The following TACR3 variants were observed in gnomAD, a reference collection of about 807,000 sequenced individuals.
The protein encoded by TACR3 is neuromedin-K receptor.
In TACR3, 34 loss-of-function variants were observed where a neutral mutation model predicts 35.0. The observed-to-expected ratio is 0.97, with a 90% CI of 0.74 to 1.30. The LOEUF is 1.30. Among genes scored for constraint, TACR3 ranks in the 50% most tolerant of loss-of-function variants. TACR3 has a pLI of 0.00. For missense variants in TACR3, 558 were observed against 591.7 expected, an observed-to-expected ratio of 0.94 and a Z score of 0.59; for synonymous variants, 233 against 221.1, an observed-to-expected ratio of 1.05 and a Z score of -0.48.
At chr4:103,620,155 C>G (rs570905777) in intron 3 of TACR3, among the ~76,000 whole-genome samples, 15 of 152,150 alleles carry the variant, frequency 9.9e-5, no homozygotes, top group Non-Finnish European at 1.9e-4. Flanking sequence ...TGCTCAGCAT[C>G]ACTAGTTGTC....
chr4:103,657,849 A>T (rs1016519492), intron 2 of TACR3, among the ~76,000 whole-genome samples: 1 of 152,142 alleles, frequency 6.6e-6, no homozygotes, highest in East Asian at 1.9e-4. Context: ...CCCTTCAGCT[A>T]CACTTCCTAA....
intron 1 of TACR3, among the ~76,000 whole-genome samples, chr4:103,709,055 G>A (rs954627713): frequency 2.0e-5 from 3 of 152,182 alleles, no homozygotes; most frequent in Non-Finnish European, 2.9e-5. Context: ...GTGACGGGGA[G>A]AATGGAACCA....
At chr4:103,683,470 CAAAAAAAAAAA>C (rs57761679) in intron 1 of TACR3, among the ~76,000 whole-genome samples, 7 of 21,144 alleles carry the variant, frequency 3.3e-4, no homozygotes, top group East Asian at 1.8e-3. Flanking sequence ...AAAGACTGAC[CAAAAAAAAAAA>C]AAAAAAAAAA....
intron 1 of TACR3, among the ~76,000 whole-genome samples, chr4:103,668,121 A>T (rs1560524531): frequency 2.6e-5 from 4 of 152,122 alleles, no homozygotes; most frequent in Admixed American, 2.6e-4. Context: ...CCTGGCCAGA[A>T]GATTATTTTT....
chr4:103,690,829 A>G (rs1722387003), intron 1 of TACR3, among the ~76,000 whole-genome samples: 1 of 152,036 alleles, frequency 6.6e-6, no homozygotes, highest in Admixed American at 6.6e-5. Context: ...TTGATTAACT[A>G]TATTTAACCA....
intron 3 of TACR3, among the ~76,000 whole-genome samples, chr4:103,642,325 AATTATT>A (rs1227143136): frequency 6.7e-6 from 1 of 149,800 alleles, no homozygotes; most frequent in Non-Finnish European, 1.5e-5. Context: ...AAGAGAATAC[AATTATT>A]ATTTGTCAAT....
intron 3 of TACR3, among the ~76,000 whole-genome samples, chr4:103,647,712 C>T (rs1356797673): frequency 6.6e-6 from 1 of 151,802 alleles, no homozygotes; most frequent in Non-Finnish European, 1.5e-5. Context: ...TTAAGAGGTT[C>T]AACACTCTAA....
At chr4:103,593,667 C>T (rs140381917) in intron 3 of TACR3, among the ~76,000 whole-genome samples, 184 of 152,240 alleles carry the variant, frequency 1.2e-3, no homozygotes, top group African/African-American at 4.1e-3. Flanking sequence ...CCTCCCTCTA[C>T]CTAGAACACT....
At position 103,677,293 on chromosome 4, in the gene TACR3, C is replaced by T. The variant is rs114970192; in HGVS notation, c.549-18890G>A. ...AAATTATTTCAATCATTGTGGAAGA[C>T]GGTGTGGTGATTCCTCAAAGATGTA... On this transcript the variant is annotated intron_variant, in intron 1 of 4. Coordinates refer to ENST00000304883, the MANE Select transcript of TACR3 (RefSeq NM_001059.3). 2.3e-4 allele frequency among the ~76,000 whole-genome samples: 35 copies of T among 149,038 alleles called. No homozygotes were observed. In the East Asian group the frequency reaches 2.9e-3, roughly 12 times the overall value.
intron 3 of TACR3, among the ~76,000 whole-genome samples, chr4:103,641,883 A>T (rs1725363489): frequency 6.6e-6 from 1 of 151,920 alleles, no homozygotes; most frequent in Admixed American, 6.6e-5. Context: ...ACAGAAAGGC[A>T]AATACTTCAT....
At chr4:103,694,500 C>T (rs935576381) in intron 1 of TACR3, among the ~76,000 whole-genome samples, 1 of 152,064 alleles carries the variant, frequency 6.6e-6, no homozygotes, top group African/African-American at 2.4e-5. Flanking sequence ...TACCAAGTTC[C>T]GTTTTTTAGC....
chr4:103,669,331 A>T (rs1726003067), intron 1 of TACR3, among the ~76,000 whole-genome samples: 1 of 152,150 alleles, frequency 6.6e-6, no homozygotes, highest in Non-Finnish European at 1.5e-5. Flanking sequence ...GGGATTGCAG[A>T]TATTCCTTCA....
intron 1 of TACR3, among the ~76,000 whole-genome samples, chr4:103,698,917 T>G (rs1341188843): frequency 6.6e-6 from 1 of 152,136 alleles, no homozygotes; most frequent in East Asian, 1.9e-4. Context: ...CCCCCATAAA[T>G]ATGTATAATT....
intron 3 of TACR3, among the ~76,000 whole-genome samples, chr4:103,592,064 C>T (rs1480187269): frequency 1.3e-5 from 2 of 152,136 alleles, no homozygotes; most frequent in South Asian, 4.1e-4. Context: ...TCCAGGAAAT[C>T]AACTGTTAAG....
At chr4:103,707,408 G>C (rs1560539811) in intron 1 of TACR3, among the ~76,000 whole-genome samples, 1 of 151,962 alleles carries the variant, frequency 6.6e-6, no homozygotes, top group African/African-American at 2.4e-5. Context: ...ACCTGGTCTT[G>C]TTTTATATTG....
At chr4:103,654,422 C>T (rs1725687055) in intron 3 of TACR3, among the ~76,000 whole-genome samples, 1 of 147,824 alleles carries the variant, frequency 6.8e-6, no homozygotes, top group Non-Finnish European at 1.5e-5. Context: ...CTGGAAACAT[C>T]ATTCTCAGCA....
chr4:103,639,760 TAAATA>T (rs1370273523), intron 3 of TACR3, among the ~76,000 whole-genome samples: 5 of 151,944 alleles, frequency 3.3e-5, no homozygotes, highest in Admixed American at 6.6e-5. Context: ...ACTCTATTGT[TAAATA>T]AAATAGGCAA....
In TACR3 at chr4:103,659,194, C is replaced by T. The variant is rs1253728453; in HGVS notation, c.549-791G>A. On this transcript the variant is annotated intron_variant, in intron 1 of 4. Transcript: ENST00000304883. Reference sequence around the variant, plus strand: ...TCACTTCCTGCTGTGCAGCCTGGTTCTAACAGGCCAGGAACTGGTACTGGT... The same window carrying T: ...TCACTTCCTGCTGTGCAGCCTGGTTTTAACAGGCCAGGAACTGGTACTGGT... 2.6e-5 allele frequency among the ~76,000 whole-genome samples: 4 copies of T among 152,162 alleles called. No individual in the cohort carries two copies. The East Asian group carries it at 7.7e-4, about 29-fold the overall frequency.
In TACR3 at chr4:103,690,261, A is replaced by T. The variant is rs144445117; in HGVS notation, c.548+28867T>A. On this transcript the variant is annotated intron_variant, in intron 1 of 4. Coordinates refer to ENST00000304883, the MANE Select transcript of TACR3 (RefSeq NM_001059.3). ...GATATAAATTAAACTCCAAATACAC[A>T]AGTATGTGGAATGTAAAACAACAGA... Among the ~76,000 whole-genome samples, 337 of 152,292 alleles carry T rather than the reference A, an allele frequency of 2.2e-3. 2 individuals are homozygous for T. The highest frequency in any genetic ancestry group is 7.8e-3 in the African/African-American group (323 of 41,582).
Sources: allele counts gnomAD v4.1 joint callset (sites outside exome capture counted in the v4.1 genomes callset), GRCh38; gene constraint gnomAD v4.1.1; transcripts MANE v1.5; gene names NCBI Gene and HGNC (gene_info 2026-07-23, HGNC 2026-07-21).